Variants in ENPEP observed in about 807,000 individuals in gnomAD.
The protein encoded by ENPEP is glutamyl aminopeptidase.
In ENPEP, 103 loss-of-function variants were observed where a neutral mutation model predicts 114.5. The observed-to-expected ratio is 0.90, with a 90% CI of 0.77 to 1.06. The LOEUF (loss-of-function observed/expected upper bound fraction) is 1.06, where lower values mean the gene tolerates loss of function less well. Ranked by LOEUF, ENPEP falls within the 50% of genes least tolerant of loss-of-function variation. The pLI, the probability that ENPEP is intolerant of heterozygous loss-of-function variation, is 0.00. For synonymous variants in ENPEP, 420 were observed against 422.0 expected, an observed-to-expected ratio of 1.00 and a Z score of 0.06; for missense variants, 1,196 against 1,161.3, an observed-to-expected ratio of 1.03 and a Z score of -0.43.
intron 4 of ENPEP, among the ~76,000 whole-genome samples, chr4:110,507,048 G>T (rs898046955): frequency 6.6e-6 from 1 of 152,164 alleles, no homozygotes; most frequent in Admixed American, 6.5e-5. Flanking sequence ...GCAGAGCTTG[G>T]TAGTGATGGA....
In ENPEP at chr4:110,542,778, G is replaced by A; in HGVS notation, c.1835G>A (p.Ser612Asn). The A allele has an allele frequency of 1.9e-6, 3 of 1,612,762 alleles. No homozygotes were observed. Among genetic ancestry groups the A allele is most frequent in the Non-Finnish European group, 2.5e-6 (3 of 1,179,182 alleles). The change falls in exon 12 of 20, where the codon AGT becomes AAT. Residue 612 changes from serine (S) to asparagine (N), a missense_variant. Ser to Asn is a conservative substitution (Grantham distance 46). Coordinates refer to ENST00000265162, the MANE Select transcript of ENPEP (RefSeq NM_001977.4). ...ATCACTTTGAACTCCTCTAATCCTAGTGGAAATGCTTTTCTCAAAATAAAC... is the reference window on the plus strand; with the variant it reads ...ATCACTTTGAACTCCTCTAATCCTAATGGAAATGCTTTTCTCAAAATAAAC... ...EGITLNSSNP[S>N]GNAFLKINPD...
At chr4:110,478,402 A>AT (rs1354396953) in intron 1 of ENPEP, among the ~76,000 whole-genome samples, 1 of 145,740 alleles carries the variant, frequency 6.9e-6, no homozygotes, top group Non-Finnish European at 1.5e-5. Flanking sequence ...CATTGAAAGC[A>AT]TAAAAATTAT....
chr4:110,494,259 C>G (rs1280013097), intron 3 of ENPEP, among the ~76,000 whole-genome samples: 1 of 152,128 alleles, frequency 6.6e-6, no homozygotes, highest in African/African-American at 2.4e-5. Flanking sequence ...ATGTCTTGTT[C>G]CCATTTTTAT....
At chr4:110,539,632 C>T (rs1186578425) in intron 11 of ENPEP, among the ~76,000 whole-genome samples, 1 of 152,012 alleles carries the variant, frequency 6.6e-6, no homozygotes, top group African/African-American at 2.4e-5. Flanking sequence ...TCAAGCAGTC[C>T]TCCTATCTTG....
chr4:110,555,167 A>T (rs1048072196), intron 18 of ENPEP, among the ~76,000 whole-genome samples: 1 of 152,188 alleles, frequency 6.6e-6, no homozygotes, highest in Admixed American at 6.6e-5. Flanking sequence ...GCATTTCTTC[A>T]TAATCTAATG....
Position 110,549,999 on chromosome 4 carries a change from A to G in ENPEP, c.2501+113A>G, listed in dbSNP as rs528490844. On this transcript the variant is annotated intron_variant, in intron 17 of 19. Transcript: ENST00000265162. ...GTTTTGTTTCCAAAAAAATCCATTA[A>G]AAGTTATTTTCCCTGCAAGAAACAA... The G allele has an allele frequency of 1.6e-5, 18 of 1,091,146 alleles. No homozygotes were observed. The East Asian group carries it at 4.2e-4, about 25-fold the overall frequency. 67.6% of individuals were successfully genotyped at this position (1,091,146 alleles called of 1,614,324 possible).
chr4:110,508,682 G>T (rs903678727), intron 4 of ENPEP, among the ~76,000 whole-genome samples: 1 of 151,928 alleles, frequency 6.6e-6, no homozygotes, highest in Non-Finnish European at 1.5e-5. Flanking sequence ...GCGGTGGCGG[G>T]CGCCTGTAGT....
At chr4:110,524,601 G>A (rs970962134) in intron 10 of ENPEP, among the ~76,000 whole-genome samples, 1 of 152,064 alleles carries the variant, frequency 6.6e-6, no homozygotes, top group African/African-American at 2.4e-5. Flanking sequence ...CAAATATAGT[G>A]TATCAAATTT....
In ENPEP at chr4:110,515,444, T is replaced by C. The variant is rs1209106317; in HGVS notation, c.1509+2T>C. 1.9e-6 allele frequency: 3 copies of C among 1,591,058 alleles called. No individual in the cohort carries two copies. In the South Asian group the frequency reaches 3.5e-5, roughly 18 times the overall value. On this transcript the variant is annotated splice_donor_variant, in intron 8 of 19. Transcript: ENST00000265162. LOFTEE classifies it high-confidence loss of function. ...GAGAATTTTCAAAAAGGATGTCAGG[T>C]ATGATTTATTACTTTTAGTGATATC... is the stretch of plus-strand genomic sequence containing the variant.
intron 1 of ENPEP, among the ~76,000 whole-genome samples, chr4:110,480,645 C>T (rs978049490): frequency 1.3e-5 from 2 of 152,164 alleles, no homozygotes; most frequent in Non-Finnish European, 2.9e-5. Flanking sequence ...ACCAAAATTA[C>T]TTAATTTCTG....
chr4:110,491,234 A>T, intron 3 of ENPEP, 70 bp downstream of exon 3: 702 of 915,128 alleles, frequency 7.7e-4, no homozygotes, highest in Middle Eastern at 1.3e-3. Context: ...TTTTTTGGGT[A>T]GTTTTTTTTT....
At chr4:110,560,463 G>A (rs1376751285) in intron 19 of ENPEP, among the ~76,000 whole-genome samples, 1 of 152,162 alleles carries the variant, frequency 6.6e-6, no homozygotes, top group Non-Finnish European at 1.5e-5. Context: ...ATCTTGATAA[G>A]TATACACAGT....
chr4:110,561,288 T>C, intron 19 of ENPEP, 118 bp from the exon 20 acceptor site: 1 of 1,014,636 alleles, frequency 9.9e-7, no homozygotes, highest in Non-Finnish European at 1.5e-6. Flanking sequence ...TAGCTCAACG[T>C]TGTGCAGTGA....
At chr4:110,481,618 T>C (rs1330138784) in intron 1 of ENPEP, among the ~76,000 whole-genome samples, 2 of 152,182 alleles carry the variant, frequency 1.3e-5, no homozygotes, top group East Asian at 3.8e-4. Flanking sequence ...TTCTCTCCCA[T>C]AAACGAGCCT....
At chr4:110,494,290 G>C (rs1034952888) in intron 3 of ENPEP, among the ~76,000 whole-genome samples, 2 of 152,138 alleles carry the variant, frequency 1.3e-5, no homozygotes, top group African/African-American at 4.8e-5. Flanking sequence ...TAATTTCTGA[G>C]TATTAGGATT....
rs1727686442 is a variant in ENPEP, at chr4:110,561,723, GT to G, written c.*168del. The G allele has an allele frequency of 4.7e-6, 3 of 632,308 alleles. No homozygotes were observed. The highest frequency in any genetic ancestry group is 7.9e-6 in the Non-Finnish European group (3 of 381,970). 39.2% of individuals were successfully genotyped at this position (632,308 alleles called of 1,614,324 possible). Reference sequence around the variant, plus strand: ...CAAAGCCTTTAAATTGTTCCTCTTTGTTTATGAAGAAAGATACTAATAGAGT... The same window carrying G: ...CAAAGCCTTTAAATTGTTCCTCTTTGTTATGAAGAAAGATACTAATAGAGT... On this transcript the variant is annotated 3_prime_UTR_variant, in exon 20 of 20. Coordinates refer to ENST00000265162, the MANE Select transcript of ENPEP (RefSeq NM_001977.4).
intron 18 of ENPEP, among the ~76,000 whole-genome samples, chr4:110,557,659 G>C (rs1168868218): frequency 1.3e-5 from 2 of 152,170 alleles, no homozygotes; most frequent in African/African-American, 4.8e-5. Flanking sequence ...AGCCTGGGGA[G>C]ATCTAGGAAA....
At chr4:110,549,950 T>G (rs1727226955) in intron 17 of ENPEP, 64 bp downstream of exon 17, 2 of 1,396,862 alleles carry the variant, frequency 1.4e-6, no homozygotes, top group Non-Finnish European at 1.9e-6. Context: ...CACAGTCTCT[T>G]TAAGAGTCTG....
At chr4:110,542,447 G>A (rs1726884330) in intron 11 of ENPEP, among the ~76,000 whole-genome samples, 1 of 151,972 alleles carries the variant, frequency 6.6e-6, no homozygotes, top group Non-Finnish European at 1.5e-5. Flanking sequence ...TTTTATTGAT[G>A]GATTGACCAG....
Sources: allele counts gnomAD v4.1 joint callset (sites outside exome capture counted in the v4.1 genomes callset), GRCh38; gene constraint gnomAD v4.1.1; transcripts MANE v1.5; gene names NCBI Gene and HGNC (gene_info 2026-07-23, HGNC 2026-07-21).